The following DIP2C variants were observed in gnomAD, a reference collection of about 807,000 sequenced individuals.
The protein encoded by DIP2C is disco-interacting protein 2 homolog C.
A neutral mutation model predicts 192.4 loss-of-function variants in DIP2C; 33 were observed. That is an observed-to-expected ratio of 0.17 (90% CI 0.13 to 0.23). The LOEUF is 0.23. Ranked by LOEUF, DIP2C falls within the 10% of genes least tolerant of loss-of-function variation. DIP2C has a pLI of 1.00. For missense variants in DIP2C, 1,537 were observed against 2,110.1 expected (o/e 0.73, Z 5.32); for synonymous variants, 979 against 864.1 (o/e 1.13, Z -2.33).
intron 23 of DIP2C, among the ~76,000 whole-genome samples, chr10:357,255 C>T (rs762539114): frequency 1.3e-5 from 2 of 152,214 alleles, no homozygotes; most frequent in Non-Finnish European, 2.9e-5. Context: ...GTCTGGGCCT[C>T]GGGAGTTTCT....
At chr10:371,126 G>A (rs1201061355) in intron 17 of DIP2C, among the ~76,000 whole-genome samples, 2 of 151,720 alleles carry the variant, frequency 1.3e-5, no homozygotes, top group African/African-American at 4.8e-5. Flanking sequence ...AAACACAGGT[G>A]TTGTCAGTGG....
At chr10:402,074 T>A (rs79949730) in intron 9 of DIP2C, among the ~76,000 whole-genome samples, 2 of 6,990 alleles carry the variant, frequency 2.9e-4, no homozygotes, top group African/African-American at 5.1e-4. Flanking sequence ...TGATTTTACA[T>A]GTGTGGTAGC....
At chr10:534,661 G>T (rs1847592304) in intron 1 of DIP2C, among the ~76,000 whole-genome samples, 1 of 139,932 alleles carries the variant, frequency 7.1e-6, no homozygotes, top group African/African-American at 2.7e-5. Context: ...TTGTCTGCTG[G>T]ATGATTATTA....
chr10:468,886 T>C (rs913073437), intron 3 of DIP2C, among the ~76,000 whole-genome samples: 27 of 152,360 alleles, frequency 1.8e-4, no homozygotes, highest in African/African-American at 5.8e-4. Context: ...AAGGACTGTC[T>C]TCCTAATCGT....
intron 1 of DIP2C, among the ~76,000 whole-genome samples, chr10:657,770 T>TG (rs1856467468): frequency 6.8e-6 from 1 of 146,848 alleles, no homozygotes; most frequent in African/African-American, 2.5e-5. Context: ...GACCTGACGC[T>TG]TGACCTGATG....
intron 29 of DIP2C, among the ~76,000 whole-genome samples, chr10:339,975 G>T (rs775281574): frequency 4.6e-4 from 70 of 152,310 alleles, no homozygotes; most frequent in Middle Eastern, 3.4e-3. Context: ...GAGGTCAGGA[G>T]TTCAAGACCA....
chr10:324,947 G>A (rs768738661), intron 31 of DIP2C: 26 of 532,834 alleles, frequency 4.9e-5, no homozygotes, highest in Middle Eastern at 6.3e-4. Flanking sequence ...CCTACTGAGC[G>A]TACTCCTTCC....
chr10:349,183 C>T (rs896411863), intron 25 of DIP2C, 148 bp downstream of exon 25: 29 of 1,159,944 alleles, frequency 2.5e-5, no homozygotes, highest in Admixed American at 5.7e-5. Context: ...CAGACACAAA[C>T]GGGCTGGTTA....
intron 1 of DIP2C, among the ~76,000 whole-genome samples, chr10:500,931 C>T (rs1845184090): frequency 6.6e-6 from 1 of 152,128 alleles, no homozygotes; most frequent in African/African-American, 2.4e-5. Context: ...ATGGCTCAGT[C>T]CCAAAAAGGC....
chr10:340,981 G>T, intron 29 of DIP2C: 1 of 681,004 alleles, frequency 1.5e-6, no homozygotes, highest in Non-Finnish European at 2.7e-6. Context: ...TCTCCAAAAT[G>T]CTCCTTCCCT....
At chr10:521,065 A>C (rs1055314306) in intron 1 of DIP2C, among the ~76,000 whole-genome samples, 2 of 152,224 alleles carry the variant, frequency 1.3e-5, no homozygotes, top group Non-Finnish European at 2.9e-5. Flanking sequence ...TAAATCCTGG[A>C]CTTTTGGATA....
chr10:487,096 G>T (rs1397146601), intron 1 of DIP2C, among the ~76,000 whole-genome samples: 3 of 152,228 alleles, frequency 2.0e-5, no homozygotes, highest in African/African-American at 7.2e-5. Flanking sequence ...GGTGAGGCAA[G>T]AATCCACATG....
At chr10:611,067 T>C (rs918739766) in intron 1 of DIP2C, among the ~76,000 whole-genome samples, 3 of 151,534 alleles carry the variant, frequency 2.0e-5, no homozygotes. Context: ...ACACCCAGTG[T>C]TGGAGGTGGG....
chr10:437,087 G>A (rs1358772365), intron 4 of DIP2C, among the ~76,000 whole-genome samples: 7 of 121,854 alleles, frequency 5.7e-5, no homozygotes, highest in Admixed American at 2.6e-4. Flanking sequence ...AGCTCTCTCT[G>A]AGCTCCACCT....
At chr10:427,903 T>C (rs1257513398) in intron 4 of DIP2C, among the ~76,000 whole-genome samples, 1 of 152,200 alleles carries the variant, frequency 6.6e-6, no homozygotes, top group Admixed American at 6.5e-5. Flanking sequence ...ATCATTCTAC[T>C]TGGCATCCTC....
intron 9 of DIP2C, among the ~76,000 whole-genome samples, chr10:400,502 C>A (rs188264211): frequency 3.1e-4 from 47 of 152,374 alleles, no homozygotes; most frequent in African/African-American, 1.1e-3. Context: ...CGTTACTCTT[C>A]CTTCTGGACA....
At chr10:671,593 A>C (rs1187311405) in intron 1 of DIP2C, among the ~76,000 whole-genome samples, 4 of 96,700 alleles carry the variant, frequency 4.1e-5, no homozygotes, top group Admixed American at 2.8e-4. Context: ...AGGAAACGTC[A>C]CAGACGCACC....
At chr10:335,262 G>A (rs564800235) in intron 29 of DIP2C, among the ~76,000 whole-genome samples, 9 of 152,156 alleles carry the variant, frequency 5.9e-5, no homozygotes, top group Admixed American at 1.3e-4. Context: ...GTACAAGTAC[G>A]TTTAAAATAA....
At chr10:452,045 C>T (rs1968892645) in intron 3 of DIP2C, among the ~76,000 whole-genome samples, 1 of 152,102 alleles carries the variant, frequency 6.6e-6, no homozygotes, top group Non-Finnish European at 1.5e-5. Context: ...CAGACGAGGA[C>T]AGAGAGTGGT....
Sources: gnomAD v4.1 joint callset for allele counts (sites outside exome capture counted in the v4.1 genomes callset) on GRCh38, gnomAD v4.1.1 for gene constraint, MANE v1.5 for transcripts, NCBI Gene and HGNC (gene_info 2026-07-23, HGNC 2026-07-21) for gene names.